The following ANO10 variants were observed in gnomAD, a reference collection of about 807,000 sequenced individuals.
ANO10 encodes the protein anoctamin-10.
In ANO10, 77 loss-of-function variants were observed where a neutral mutation model predicts 74.7. The observed-to-expected ratio is 1.03, with a 90% CI of 0.86 to 1.25. The LOEUF (loss-of-function observed/expected upper bound fraction) is 1.25. Among genes scored for constraint, ANO10 ranks in the 50% most tolerant of loss-of-function variants. ANO10 has a pLI of 0.00. For synonymous variants in ANO10, 279 were observed against 284.9 expected, an observed-to-expected ratio of 0.98 and a Z score of 0.21; for missense variants, 721 against 778.1, an observed-to-expected ratio of 0.93 and a Z score of 0.87.
At chr3:43,414,015 A>G (rs1271258403) in intron 12 of ANO10, among the ~76,000 whole-genome samples, 1 of 152,080 alleles carries the variant, frequency 6.6e-6, no homozygotes, top group African/African-American at 2.4e-5. Flanking sequence ...AAGGACCGAG[A>G]CCTTTCCAAG....
chr3:43,565,752 A>T lies in ANO10; in HGVS notation c.1219-25T>A, dbSNP rs752446373. 6.0e-6 allele frequency: 9 copies of T among 1,488,360 alleles called. No homozygotes were observed. The African/African-American group carries it at 1.3e-4, about 21-fold the overall frequency. 92.2% of individuals were successfully genotyped at this position (1,488,360 alleles called of 1,614,324 possible). On this transcript the variant is annotated intron_variant, in intron 7 of 12. Coordinates refer to ENST00000292246, the MANE Select transcript of ANO10 (RefSeq NM_018075.5). Reference sequence around the variant, plus strand: ...ACTGCCAAAAAAAAAAAAAAAAAAGATAAGTGTTAAGCACTGCTTTAGAGT... The same window carrying T: ...ACTGCCAAAAAAAAAAAAAAAAAAGTTAAGTGTTAAGCACTGCTTTAGAGT...
chr3:43,425,850 C>T lies in ANO10; in HGVS notation c.1914+6761G>A, dbSNP rs189959726. Among the ~76,000 whole-genome samples the T allele has an allele frequency of 2.6e-3, 395 of 152,240 alleles. 3 individuals are homozygous for T. The highest frequency in any genetic ancestry group is 9.2e-3 in the African/African-American group (382 of 41,548). ...GAAATCTGCGTCTGTAGAGAATATC[C>T]ATTAATACAGCCAGTCCTTTCCTGG... is the stretch of plus-strand genomic sequence containing the variant. On this transcript the variant is annotated intron_variant, in intron 12 of 12. Coordinates refer to ENST00000292246, the MANE Select transcript of ANO10 (RefSeq NM_018075.5).
intron 1 of ANO10, among the ~76,000 whole-genome samples, chr3:43,639,659 C>G (rs1311954892): frequency 6.6e-6 from 1 of 151,802 alleles, no homozygotes; most frequent in Non-Finnish European, 1.5e-5. Flanking sequence ...CTCTGTAATC[C>G]CAGCTACTCA....
At chr3:43,586,283 A>G (rs1231293820) in intron 4 of ANO10, among the ~76,000 whole-genome samples, 1 of 152,128 alleles carries the variant, frequency 6.6e-6, no homozygotes, top group Admixed American at 6.6e-5. Context: ...GATGGAAGGT[A>G]ACTAGCTGTG....
At chr3:43,396,341 A>G (rs189133703) in intron 12 of ANO10, among the ~76,000 whole-genome samples, 193 of 151,676 alleles carry the variant, frequency 1.3e-3, no homozygotes, top group African/African-American at 4.5e-3. Context: ...TTCACGTTTG[A>G]TAAGGTTTTT....
chr3:43,450,307 G>A (rs1028165239), intron 11 of ANO10, among the ~76,000 whole-genome samples: 36 of 152,236 alleles, frequency 2.4e-4, no homozygotes, highest in Admixed American at 1.8e-3. Context: ...TTGGGAGGGC[G>A]AGGTGGGCAG....
chr3:43,389,748 C>T (rs1046710519), intron 12 of ANO10, among the ~76,000 whole-genome samples: 2 of 152,164 alleles, frequency 1.3e-5, no homozygotes, highest in African/African-American at 4.8e-5. Context: ...ACAAAATAAG[C>T]TCAAGGATAA....
chr3:43,512,059 A>G (rs1489348747), intron 11 of ANO10, among the ~76,000 whole-genome samples: 1 of 152,132 alleles, frequency 6.6e-6, no homozygotes, highest in Non-Finnish European at 1.5e-5. Context: ...CTGGGGTGGG[A>G]GTGTGGAGAA....
At chr3:43,549,511 A>G (rs930909725) in intron 11 of ANO10, among the ~76,000 whole-genome samples, 5 of 152,130 alleles carry the variant, frequency 3.3e-5, no homozygotes, top group Non-Finnish European at 7.4e-5. Flanking sequence ...TCCTGTTTGC[A>G]TTGTGGTGAC....
intron 7 of ANO10, among the ~76,000 whole-genome samples, chr3:43,571,623 G>T (rs2080722696): frequency 6.6e-6 from 1 of 151,438 alleles, no homozygotes. Flanking sequence ...CTCATAGGTG[G>T]GAACTGAACA....
intron 12 of ANO10, among the ~76,000 whole-genome samples, chr3:43,375,600 C>G (rs1453147266): frequency 1.3e-5 from 2 of 152,286 alleles, no homozygotes; most frequent in Non-Finnish European, 2.9e-5. Context: ...AGCTGAAACT[C>G]AGATGCGGAG....
At chr3:43,649,104 C>A (rs990684757) in intron 1 of ANO10, among the ~76,000 whole-genome samples, 1 of 152,172 alleles carries the variant, frequency 6.6e-6, no homozygotes, top group African/African-American at 2.4e-5. Flanking sequence ...CCCAGTAGGT[C>A]TCAGCCTTAT....
intron 8 of ANO10, among the ~76,000 whole-genome samples, chr3:43,562,308 C>A (rs994457210): frequency 2.0e-5 from 3 of 151,640 alleles, no homozygotes; most frequent in Non-Finnish European, 4.4e-5. Flanking sequence ...AAAAGTTAGC[C>A]GGGCATGGTG....
At chr3:43,481,504 G>C (rs760039085) in intron 11 of ANO10, among the ~76,000 whole-genome samples, 2 of 152,168 alleles carry the variant, frequency 1.3e-5, no homozygotes, top group Non-Finnish European at 2.9e-5. Flanking sequence ...GGCCATGATG[G>C]GACATGGGGG....
intron 1 of ANO10, among the ~76,000 whole-genome samples, chr3:43,619,122 C>T (rs1369706314): frequency 3.9e-5 from 6 of 152,222 alleles, no homozygotes; most frequent in Non-Finnish European, 1.5e-5. Flanking sequence ...ACATCTTAAT[C>T]AAACAGTAGT....
intron 11 of ANO10, among the ~76,000 whole-genome samples, chr3:43,545,814 T>G (rs2079166381): frequency 6.6e-6 from 1 of 152,230 alleles, no homozygotes; most frequent in South Asian, 2.1e-4. Flanking sequence ...AAAATTAATC[T>G]AATTATCATA....
Position 43,366,636 on chromosome 3 carries a change from G to A in ANO10, c.*270C>T. On this transcript the variant is annotated 3_prime_UTR_variant, in exon 13 of 13. Coordinates refer to ENST00000292246, the MANE Select transcript of ANO10 (RefSeq NM_018075.5). ...GCTCAAGGGCGGCAGTGGCTCTGCA[G>A]CAAAGTTGGCAGCTGGAGCAGCGTG... 1 of 544,410 alleles carries A rather than the reference G, an allele frequency of 1.8e-6. No individual in the cohort carries two copies. 33.7% of individuals were successfully genotyped at this position (544,410 alleles called of 1,614,324 possible).
intron 12 of ANO10, among the ~76,000 whole-genome samples, chr3:43,402,663 T>C (rs973055931): frequency 3.9e-5 from 6 of 152,130 alleles, no homozygotes; most frequent in Admixed American, 3.9e-4. Context: ...TCCTGAGAGG[T>C]ACCACACTGG....
intron 11 of ANO10, among the ~76,000 whole-genome samples, chr3:43,544,694 G>A (rs1322565139): frequency 6.6e-6 from 1 of 151,402 alleles, no homozygotes; most frequent in African/African-American, 2.4e-5. Flanking sequence ...TCAGGAGGCT[G>A]AGCCATGAGA....
Sources: allele counts gnomAD v4.1 joint callset (sites outside exome capture counted in the v4.1 genomes callset), GRCh38; gene constraint gnomAD v4.1.1; transcripts MANE v1.5; gene names NCBI Gene and HGNC (gene_info 2026-07-23, HGNC 2026-07-21).